Variants in CALHM2 observed in about 807,000 individuals in gnomAD.
The protein encoded by CALHM2 is calcium homeostasis modulator protein 2.
CALHM2 carries 18 observed loss-of-function variants against 20.4 expected under a neutral mutation model. The observed-to-expected ratio is 0.88, with a 90% confidence interval of 0.61 to 1.31. The LOEUF is 1.31. Ranked by LOEUF, CALHM2 falls within the 50% of genes most tolerant of loss-of-function variation. CALHM2 has a pLI of 0.00. For missense variants in CALHM2, 411 were observed against 435.7 expected (o/e 0.94, Z 0.50); for synonymous variants, 193 against 192.1 (o/e 1.00, Z -0.04).
chr10:103,450,469 G>C (rs938653653), intron 2 of CALHM2: 1 of 166,972 alleles, frequency 6.0e-6, no homozygotes, highest in Non-Finnish European at 1.3e-5. Context: ...TGGTGCTAAT[G>C]CATGTGGGGT....
Position 103,447,266 on chromosome 10 carries a change from C to A in CALHM2, c.858G>T (p.Leu286Phe). ...GTGGGAGGCCCTGGTTCTCACGGTA[C>A]AAGTAGACGCCGGTGATGGCATTCC... Reference protein sequence around the residue: ...PQWNAITGVYLYRENQGLPLY... With the variant: ...PQWNAITGVYFYRENQGLPLY... The change falls in exon 4 of 4, where the codon TTG becomes TTT. Residue 286 changes from leucine (L) to phenylalanine (F), a missense_variant. Transcript: ENST00000260743. 5 of 1,614,228 alleles carry A rather than the reference C, an allele frequency of 3.1e-6. No homozygotes were observed. The highest frequency in any genetic ancestry group is 4.2e-6 in the Non-Finnish European group (5 of 1,180,048).
rs763420913 is a variant in CALHM2 at position 103,447,580 on chromosome 10, A to G, written c.556-12T>C. Reference sequence around the variant, plus strand: ...AGCCATCCAAAGAGCTGGCCAGAGAATGGGCACAGTTCAGGAGGGGCGAGG... The same window carrying G: ...AGCCATCCAAAGAGCTGGCCAGAGAGTGGGCACAGTTCAGGAGGGGCGAGG... On this transcript the variant is annotated splice_polypyrimidine_tract_variant and intron_variant, in intron 3 of 3. Coordinates refer to ENST00000260743, the MANE Select transcript of CALHM2 (RefSeq NM_015916.5). The G allele has an allele frequency of 3.8e-6, 6 of 1,578,074 alleles. No homozygotes were observed. The highest frequency in any genetic ancestry group is 5.2e-6 in the Non-Finnish European group (6 of 1,160,458).
rs777219053 is a variant in CALHM2, at chr10:103,447,309, G to A, written c.815C>T (p.Thr272Met). ...GGCATTCCACTGTGGCCGTGGCTGCGTGCCTTCCACTGGGAAGTTGGCAAT... is the reference window on the plus strand; with the variant it reads ...GGCATTCCACTGTGGCCGTGGCTGCATGCCTTCCACTGGGAAGTTGGCAAT... ...ELIANFPVEG[T>M]QPRPQWNAIT... Residue 272 changes from threonine to methionine, a missense_variant, in exon 4 of 4, where the codon ACG becomes ATG. Coordinates refer to ENST00000260743, the MANE Select transcript of CALHM2 (RefSeq NM_015916.5). 4 of 1,614,136 alleles carry A rather than the reference G, an allele frequency of 2.5e-6. No homozygotes were observed. The highest frequency in any genetic ancestry group is 2.7e-5 in the African/African-American group (2 of 74,950).
rs760812192 is a variant in CALHM2 at position 103,449,424 on chromosome 10, CG to C, written c.517del (p.Arg173GlyfsTer29). 2.2e-5 allele frequency: 36 copies of C among 1,612,994 alleles called. No individual in the cohort carries two copies. Among genetic ancestry groups the C allele is most frequent in the Middle Eastern group, 1.6e-4 (1 of 6,078 alleles). ...KENPDNLSDFREEVSRRLRYE... is the reference protein window; with the variant it reads ...KENPDNLSDFXEEVSRRLRYE... Reference sequence around the variant, plus strand: ...CCTGAGCCTGCGGCTGACCTCCTCCCGGAAGTCTGACAGGTTGTCAGGGTTC... The same window carrying C: ...CCTGAGCCTGCGGCTGACCTCCTCCCGAAGTCTGACAGGTTGTCAGGGTTC... On this transcript the variant is annotated frameshift_variant, in exon 3 of 4. Transcript: ENST00000260743. LOFTEE classifies it high-confidence loss of function.
intron 3 of CALHM2, among the ~76,000 whole-genome samples, 164 bp from the exon 4 acceptor site, chr10:103,447,732 G>A (rs1172639811): frequency 2.0e-5 from 3 of 152,096 alleles, no homozygotes; most frequent in Non-Finnish European, 2.9e-5. Context: ...CTCTACTTGC[G>A]CTTAGACTTA....
rs1041375090 is a variant in CALHM2 at position 103,446,990 on chromosome 10, C to T, written c.*162G>A. Reference sequence around the variant, plus strand: ...CCCTGCTGGCTGGGGCTTCCATTGTCTACTGGGTCTGTCCACACCCCAGAT... The same window carrying T: ...CCCTGCTGGCTGGGGCTTCCATTGTTTACTGGGTCTGTCCACACCCCAGAT... On this transcript the variant is annotated 3_prime_UTR_variant, in exon 4 of 4. Coordinates refer to ENST00000260743, the MANE Select transcript of CALHM2 (RefSeq NM_015916.5). The T allele has an allele frequency of 1.6e-5, 11 of 703,356 alleles. 1 individual carries two copies. Among genetic ancestry groups the T allele is most frequent in the Middle Eastern group, 4.0e-4 (1 of 2,506 alleles). The allele number at this position is 703,356 out of a possible 1,614,324, so 43.6% of individuals were successfully genotyped here. A position where few individuals can be genotyped will look rare whatever the true frequency, so the allele number is the denominator to read the frequency against.
intron 2 of CALHM2, 176 bp downstream of exon 2, chr10:103,450,907 T>TG (rs1255950374): frequency 6.6e-6 from 1 of 152,210 alleles, no homozygotes; most frequent in African/African-American, 2.4e-5. Context: ...GGGACGATTC[T>TG]CCTGCCTGCA....
chr10:103,447,332 A>G lies in CALHM2; in HGVS notation c.792T>C (p.Ile264=), dbSNP rs769645702. 7 of 1,614,234 alleles carry G rather than the reference A, an allele frequency of 4.3e-6. No homozygotes were observed. The South Asian group carries it at 5.5e-5, about 13-fold the overall frequency. The stretch of plus-strand genomic sequence containing the variant: ...GCGTGCCTTCCACTGGGAAGTTGGC[A>G]ATCAGTTCCTCATCATCCTTGTTGA... The part of the protein sequence containing the change: ...VALNKDDEEL[I]ANFPVEGTQP... The change falls in exon 4 of 4, where the codon ATT becomes ATC. Residue 264 remains isoleucine (I), a synonymous_variant. Coordinates refer to ENST00000260743, the MANE Select transcript of CALHM2 (RefSeq NM_015916.5).
In CALHM2 at chr10:103,447,495, G is replaced by A. The variant is rs755746088; in HGVS notation, c.629C>T (p.Ser210Leu). The change falls in exon 4 of 4, where the codon TCA becomes TTA. Residue 210 changes from serine (S) to leucine (L), a missense_variant. Transcript: ENST00000260743. ...GGCCTCCTGGCGGTAGCTGAGTGGT[G>A]AGCAGTAATGCTTGAGGCACTTGGT... is the stretch of plus-strand genomic sequence containing the variant. Reference protein sequence around the residue: ...FLTKCLKHYCSPLSYRQEAYW... With the variant: ...FLTKCLKHYCLPLSYRQEAYW... 6.2e-7 allele frequency: 1 copy of A among 1,613,438 alleles called. No homozygotes were observed. Among genetic ancestry groups the A allele is most frequent in the African/African-American group, 1.3e-5 (1 of 75,064 alleles).
Position 103,447,058 on chromosome 10 carries a change from T to C in CALHM2, c.*94A>G. 1 of 1,343,414 alleles carries C rather than the reference T, an allele frequency of 7.4e-7. No homozygotes were observed. The allele number at this position is 1,343,414 out of a possible 1,614,324, so 83.2% of individuals were successfully genotyped here. ...CCCTGGCCAAGAAGATAACAGTTTT[T>C]TAAAAATCCCCTTCTGATATGGATG... On this transcript the variant is annotated 3_prime_UTR_variant, in exon 4 of 4. Transcript: ENST00000260743.
intron 3 of CALHM2, 30 bp from the exon 4 acceptor site, chr10:103,447,598 G>A (rs1592148823): frequency 1.3e-6 from 2 of 1,541,438 alleles, no homozygotes; most frequent in East Asian, 4.5e-5. Context: ...AGTTCAGGAG[G>A]GGCGAGGAAC....
intron 3 of CALHM2, among the ~76,000 whole-genome samples, chr10:103,448,932 G>T (rs1383340324): frequency 1.3e-5 from 2 of 151,852 alleles, no homozygotes; most frequent in Admixed American, 1.3e-4. Context: ...ACTCCATCCT[G>T]ACCCAAGGGA....
intron 3 of CALHM2, among the ~76,000 whole-genome samples, chr10:103,448,126 C>T (rs1055236333): frequency 1.3e-5 from 2 of 152,080 alleles, no homozygotes; most frequent in African/African-American, 2.4e-5. Flanking sequence ...TCTCTCTTTA[C>T]GTTTCTTTTT....
intron 2 of CALHM2, 147 bp downstream of exon 2, chr10:103,450,936 C>A (rs966512324): frequency 1.3e-5 from 2 of 152,224 alleles, no homozygotes; most frequent in Admixed American, 6.5e-5. Context: ...GGAACTGAGA[C>A]CTGAAGAGGA....
Position 103,449,641 on chromosome 10 carries a change from G to A in CALHM2, c.301C>T (p.Leu101Phe), listed in dbSNP as rs1004994957. 1 of 1,613,840 alleles carries A rather than the reference G, an allele frequency of 6.2e-7. No homozygotes were observed. Among genetic ancestry groups the A allele is most frequent in the Non-Finnish European group, 8.5e-7 (1 of 1,180,048 alleles). ...TKNCSAAPTF[L>F]LLSSILGRAA... The stretch of plus-strand genomic sequence containing the variant: ...CGTCCCAGGATGGAGCTTAGAAGGA[G>A]GAAGGTGGGGGCGGCGGAGCAGTTC... The change falls in exon 3 of 4, where the codon CTC (leucine) becomes TTC (phenylalanine). Residue 101 changes from leucine (L) to phenylalanine (F), a missense_variant. Coordinates refer to ENST00000260743, the MANE Select transcript of CALHM2 (RefSeq NM_015916.5).
At chr10:103,449,201 T>TA in intron 3 of CALHM2, 186 bp downstream of exon 3, 1 of 634,172 alleles carries the variant, frequency 1.6e-6, no homozygotes, top group South Asian at 1.8e-5. Context: ...AAAACTGTCT[T>TA]ATTTGTGTCT....
At chr10:103,447,839 C>T (rs2032740602) in intron 3 of CALHM2, among the ~76,000 whole-genome samples, 1 of 152,240 alleles carries the variant, frequency 6.6e-6, no homozygotes, top group Non-Finnish European at 1.5e-5. Context: ...CTGCCAGGCT[C>T]AGCTCAGATG....
chr10:103,449,355 G>C, intron 3 of CALHM2, 32 bp downstream of exon 3: 1 of 1,594,302 alleles, frequency 6.3e-7, no homozygotes, highest in African/African-American at 1.3e-5. Context: ...CACCACTAGG[G>C]AAGAGGAGCT....
At position 103,447,427 on chromosome 10, in the gene CALHM2, G is replaced by T; in HGVS notation, c.697C>A (p.Arg233Ser). 1 of 1,614,172 alleles carries T rather than the reference G, an allele frequency of 6.2e-7. No individual in the cohort carries two copies. The highest frequency in any genetic ancestry group is 8.5e-7 in the Non-Finnish European group (1 of 1,180,010). Reference protein sequence around the residue: ...YRANEDQLFQRTAEVHSRVLA... With the variant: ...YRANEDQLFQSTAEVHSRVLA... ...ACCCGAGAGTGCACCTCGGCCGTGC[G>T]CTGGAACAGCTGGTCCTCATTGGCG... Residue 233 changes from arginine (R) to serine (S), a missense_variant, in exon 4 of 4, where the codon CGC (arginine) becomes AGC (serine). Arg to Ser is a moderately radical substitution (Grantham distance 110, BLOSUM62 -1). Coordinates refer to ENST00000260743, the MANE Select transcript of CALHM2 (RefSeq NM_015916.5).
Sources: gnomAD v4.1 joint callset for allele counts (sites outside exome capture counted in the v4.1 genomes callset) on GRCh38, gnomAD v4.1.1 for gene constraint, MANE v1.5 for transcripts, NCBI Gene and HGNC (gene_info 2026-07-23, HGNC 2026-07-21) for gene names.